The following SNX29 variants were observed in gnomAD, a reference collection of about 807,000 sequenced individuals.
SNX29 encodes sorting nexin-29.
Under a neutral mutation model 102.1 loss-of-function variants are expected in SNX29, and 78 were observed. The ratio of observed to expected loss-of-function variants is 0.76; its 90% CI spans 0.64 to 0.92. The LOEUF is 0.92. SNX29 is among the 40% of genes least tolerant of loss of function. The pLI, the probability that SNX29 is intolerant of heterozygous loss-of-function variation, is 0.00. For synonymous variants in SNX29, 580 were observed against 414.5 expected (o/e 1.40, Z -4.85); for missense variants, 1,280 against 1,061.7 (o/e 1.21, Z -2.86).
intron 18 of SNX29, among the ~76,000 whole-genome samples, chr16:12,404,820 A>G (rs777290779): frequency 4.6e-5 from 7 of 152,186 alleles, no homozygotes; most frequent in Non-Finnish European, 8.8e-5. Context: ...GGCCTGCAGT[A>G]GACACTCTAT....
At position 12,570,072 on chromosome 16, in the gene SNX29, G is replaced by T; in HGVS notation, c.*1443G>T. ...GAGGACATCTCTGGAGAATCATCTG[G>T]AAGGTTTATACTGTGCCTTCCCCTC... On this transcript the variant is annotated 3_prime_UTR_variant, in exon 21 of 21. Coordinates refer to ENST00000566228, the MANE Select transcript of SNX29 (RefSeq NM_032167.5). 1 of 696,128 alleles carries T rather than the reference G, an allele frequency of 1.4e-6. No individual in the cohort carries two copies. Among genetic ancestry groups the T allele is most frequent in the Non-Finnish European group, 1.8e-6 (1 of 542,442 alleles). 43.1% of individuals were successfully genotyped at this position (696,128 alleles called of 1,614,324 possible).
chr16:12,553,160 G>A (rs185608742), intron 20 of SNX29, among the ~76,000 whole-genome samples: 26 of 152,274 alleles, frequency 1.7e-4, no homozygotes, highest in Admixed American at 7.2e-4. Flanking sequence ...GTCCTTCCTG[G>A]GATTTTTGGA....
At chr16:12,545,303 T>G (rs926356847) in intron 20 of SNX29, among the ~76,000 whole-genome samples, 10 of 151,938 alleles carry the variant, frequency 6.6e-5, no homozygotes, top group African/African-American at 2.4e-4. Context: ...TCTTTACATC[T>G]GGAAGACTCG....
rs182412636 is a variant in SNX29 at position 12,558,372 on chromosome 16, C to T, written c.2319-10134C>T. On this transcript the variant is annotated intron_variant, in intron 20 of 20. Transcript: ENST00000566228. Reference sequence around the variant, plus strand: ...CCTCAGCATCACAGCCATTGGTAACCATCGGAATTTTACATAGAGTGATAT... The same window carrying T: ...CCTCAGCATCACAGCCATTGGTAACTATCGGAATTTTACATAGAGTGATAT... 5.9e-5 allele frequency among the ~76,000 whole-genome samples: 9 copies of T among 152,284 alleles called. No homozygotes were observed. In the East Asian group the frequency reaches 1.2e-3, roughly 20 times the overall value.
rs1179600477 is a variant in SNX29 at position 12,096,653 on chromosome 16, G to C, written c.1402+17738G>C. On this transcript the variant is annotated intron_variant, in intron 11 of 20. Coordinates refer to ENST00000566228, the MANE Select transcript of SNX29 (RefSeq NM_032167.5). The surrounding 1 kb of genome is among the most constrained non-coding windows in gnomAD (Gnocchi z 4.2). ...GATGGGGCAAAACGGGAGGCAATGG[G>C]GTCATGTGGGAGTGATGTACTCTTT... Among the ~76,000 whole-genome samples the C allele has an allele frequency of 6.6e-6, 1 of 152,188 alleles. No individual in the cohort carries two copies. Among genetic ancestry groups the C allele is most frequent in the Non-Finnish European group, 1.5e-5 (1 of 68,042 alleles).
intron 20 of SNX29, among the ~76,000 whole-genome samples, chr16:12,537,983 TCAAA>T (rs552362879): frequency 1.3e-4 from 10 of 75,214 alleles, no homozygotes; most frequent in African/African-American, 9.0e-4. Flanking sequence ...AAACTCCGTT[TCAAA>T]AAAAAAAAAA....
chr16:12,089,107 G>GGA (rs753818915), intron 11 of SNX29, among the ~76,000 whole-genome samples: 63 of 142,830 alleles, frequency 4.4e-4, no homozygotes, highest in Admixed American at 1.3e-3. Context: ...AAGAAAGAGA[G>GGA]GAGAGAGAGA....
In SNX29 at chr16:12,277,948, G is replaced by T. The variant is rs763015210; in HGVS notation, c.1694G>T (p.Ser565Ile). The T allele has an allele frequency of 6.2e-7, 1 of 1,608,174 alleles. No homozygotes were observed. The highest frequency in any genetic ancestry group is 8.5e-7 in the Non-Finnish European group (1 of 1,177,202). ...GQTAEVPNLW[S>I]VDGEVTVAEQ... ...TTCTCTAAAGTGCCAAATCTTTGGAGTGTTGATGGAGAAGTTACAGTAGCT... is the reference window on the plus strand; with the variant it reads ...TTCTCTAAAGTGCCAAATCTTTGGATTGTTGATGGAGAAGTTACAGTAGCT... Residue 565 changes from serine (S) to isoleucine (I), a missense_variant, in exon 15 of 21, where the codon AGT becomes ATT. Transcript: ENST00000566228.
chr16:12,341,846 A>G (rs766463794), intron 15 of SNX29, among the ~76,000 whole-genome samples: 2 of 152,214 alleles, frequency 1.3e-5, no homozygotes, highest in African/African-American at 2.4e-5. Context: ...GAGCACCAGT[A>G]TCTCTGCCAC....
rs535031517 is a variant in SNX29, at chr16:12,573,239, A to G, written c.*4610A>G. 4.6e-4 allele frequency: 104 copies of G among 227,082 alleles called. No homozygotes were observed. The highest frequency in any genetic ancestry group is 1.3e-3 in the Middle Eastern group (1 of 750). 14.1% of individuals were successfully genotyped at this position (227,082 alleles called of 1,614,324 possible). A position where few individuals can be genotyped will look rare whatever the true frequency, so the allele number is the denominator to read the frequency against. ...CCCGCAGTTCATCCCATGGTTGTTGAAATGTACCTCGATCAGTCATCTCTG... is the reference window on the plus strand; with the variant it reads ...CCCGCAGTTCATCCCATGGTTGTTGGAATGTACCTCGATCAGTCATCTCTG... On this transcript the variant is annotated 3_prime_UTR_variant, in exon 21 of 21. Transcript: ENST00000566228.
chr16:12,471,555 G>A (rs371607316), intron 18 of SNX29, among the ~76,000 whole-genome samples: 1 of 152,150 alleles, frequency 6.6e-6, no homozygotes, highest in African/African-American at 2.4e-5. Flanking sequence ...GACGTATGAC[G>A]ATGTGTCAGG....
intron 20 of SNX29, among the ~76,000 whole-genome samples, chr16:12,560,106 TGAC>T (rs1271024385): frequency 1.3e-5 from 2 of 151,914 alleles, no homozygotes; most frequent in African/African-American, 4.8e-5. Context: ...AAGGATGAGT[TGAC>T]AAGCTATTCT....
intron 15 of SNX29, among the ~76,000 whole-genome samples, chr16:12,288,070 C>G (rs973889564): frequency 6.6e-6 from 1 of 152,104 alleles, no homozygotes. Flanking sequence ...TGCCTGTGGT[C>G]CCAGCCACTC....
chr16:12,117,263 G>A lies in SNX29; in HGVS notation c.1403-9370G>A, dbSNP rs112332593. Among the ~76,000 whole-genome samples, 503 of 128,956 alleles carry A rather than the reference G, an allele frequency of 3.9e-3. 2 individuals are homozygous for A. Among genetic ancestry groups the A allele is most frequent in the African/African-American group, 0.013 (386 of 29,756 alleles). 84.6% of individuals were successfully genotyped at this position (128,956 alleles called of 152,430 possible). A position where few individuals can be genotyped will look rare whatever the true frequency, so the allele number is the denominator to read the frequency against. On this transcript the variant is annotated intron_variant, in intron 11 of 20. Transcript: ENST00000566228. Reference sequence around the variant, plus strand: ...ATGCGGACGAACCGTGGAAACAGGCGTGGTCAATACGTGCTTCAACGCGGA... The same window carrying A: ...ATGCGGACGAACCGTGGAAACAGGCATGGTCAATACGTGCTTCAACGCGGA...
At chr16:12,402,102 T>G (rs1462750998) in intron 17 of SNX29, among the ~76,000 whole-genome samples, 1 of 152,232 alleles carries the variant, frequency 6.6e-6, no homozygotes, top group African/African-American at 2.4e-5. Context: ...GGAAAGTGAT[T>G]AGATACACAA....
intron 1 of SNX29, among the ~76,000 whole-genome samples, chr16:11,992,438 A>G (rs1237588653): frequency 6.6e-6 from 1 of 152,088 alleles, no homozygotes; most frequent in Non-Finnish European, 1.5e-5. Flanking sequence ...TTCATCACCC[A>G]AAGGAAACTC....
chr16:12,076,603 G>A (rs1403533504), intron 10 of SNX29, among the ~76,000 whole-genome samples: 1 of 152,102 alleles, frequency 6.6e-6, no homozygotes, highest in East Asian at 1.9e-4. Context: ...CGCCCAGCCT[G>A]GTCATAACAT....
At chr16:12,428,794 C>T (rs1455515413) in intron 18 of SNX29, among the ~76,000 whole-genome samples, 9 of 151,848 alleles carry the variant, frequency 5.9e-5, no homozygotes, top group Non-Finnish European at 1.3e-4. Context: ...GATACGATGG[C>T]AATTATTATT....
At chr16:12,171,754 T>C (rs1409925777) in intron 13 of SNX29, among the ~76,000 whole-genome samples, 1 of 152,264 alleles carries the variant, frequency 6.6e-6, no homozygotes. Context: ...CAGTATTTGC[T>C]TGCGTTCCTG....
Sources: allele counts gnomAD v4.1 joint callset (sites outside exome capture counted in the v4.1 genomes callset), GRCh38; gene constraint gnomAD v4.1.1; non-coding constraint Gnocchi (gnomAD v3.1); transcripts MANE v1.5; gene names NCBI Gene and HGNC (gene_info 2026-07-23, HGNC 2026-07-21).